Variants in ZNF518A observed in about 807,000 individuals in gnomAD.
The protein encoded by ZNF518A is zinc finger protein 518A, also known as zinc finger protein 518.
A neutral mutation model predicts 102.7 loss-of-function variants in ZNF518A; 47 were observed. That is an observed-to-expected ratio of 0.46 (90% CI 0.36 to 0.58). The LOEUF (loss-of-function observed/expected upper bound fraction) is 0.58, where lower values mean the gene tolerates loss of function less well. Ranked by LOEUF, ZNF518A falls within the 20% of genes least tolerant of loss-of-function variation. ZNF518A has a pLI of 0.00. For synonymous variants in ZNF518A, 652 were observed against 594.6 expected (o/e 1.10, Z -1.40); for missense variants, 1,793 against 1,699.8 (o/e 1.05, Z -0.96).
At chr10:96,187,372 A>C (rs587665922) in intron 1 of ZNF518A, among the ~76,000 whole-genome samples, 1 of 152,338 alleles carries the variant, frequency 6.6e-6, no homozygotes, top group South Asian at 2.1e-4. Flanking sequence ...ATGGTGTCTT[A>C]AGACCATTTT....
At chr10:96,133,514 A>C (rs1157657123) in intron 2 of ZNF518A, 69 bp from the exon 3 acceptor site, 2 of 152,150 alleles carry the variant, frequency 1.3e-5, no homozygotes, top group Non-Finnish European at 2.9e-5. Context: ...AAAATATTGT[A>C]CCCATGTAAA....
chr10:96,184,075 T>C (rs1230095770), intron 1 of ZNF518A, among the ~76,000 whole-genome samples: 1 of 152,160 alleles, frequency 6.6e-6, no homozygotes, highest in African/African-American at 2.4e-5. Flanking sequence ...TAATGGCCTT[T>C]TTTGTCTCTT....
chr10:96,184,908 G>A (rs57902477), intron 1 of ZNF518A, among the ~76,000 whole-genome samples: 184 of 152,250 alleles, frequency 1.2e-3, no homozygotes, highest in African/African-American at 4.3e-3. Flanking sequence ...TTCCAGCTAG[G>A]TTCCATTCTC....
Position 96,157,277 on chromosome 10 carries a change from A to G in ZNF518A, c.955A>G (p.Lys319Glu). Residue 319 changes from lysine (K) to glutamate (E), a missense_variant, in exon 6 of 6, where the codon AAA becomes GAA. Lys to Glu is a moderately conservative substitution (Grantham distance 56). This residue lies in a region of ZNF518A where 1,741 missense variants were observed against 1,622.6 expected (regional missense o/e 1.07). Coordinates refer to ENST00000316045, the MANE Select transcript of ZNF518A (RefSeq NM_001330736.2). ...ACTTAAGCTAATACTGAAAAGATATAAAATAGGTGCATCAAGGAAGACGTT... is the reference window on the plus strand; with the variant it reads ...ACTTAAGCTAATACTGAAAAGATATGAAATAGGTGCATCAAGGAAGACGTT... ...AGLKLILKRYKIGASRKTFWK... is the reference protein window; with the variant it reads ...AGLKLILKRYEIGASRKTFWK... 6.2e-7 allele frequency: 1 copy of G among 1,612,346 alleles called. No homozygotes were observed. The highest frequency in any genetic ancestry group is 8.5e-7 in the Non-Finnish European group (1 of 1,179,196).
intron 1 of ZNF518A, among the ~76,000 whole-genome samples, chr10:96,171,815 A>G (rs587619355): frequency 6.6e-6 from 1 of 152,250 alleles, no homozygotes; most frequent in Non-Finnish European, 1.5e-5. Flanking sequence ...CAGAAGCTCA[A>G]CATACTCCAA....
chr10:96,166,117 G>A (rs2083138581), downstream of ZNF518A, among the ~76,000 whole-genome samples: 1 of 152,170 alleles, frequency 6.6e-6, no homozygotes, highest in African/African-American at 2.4e-5. Flanking sequence ...TATGGCGTTA[G>A]GCGTGGGGGG....
intron 1 of ZNF518A, chr10:96,197,044 C>A: frequency 6.2e-7 from 1 of 1,612,176 alleles, no homozygotes; most frequent in South Asian, 1.1e-5. Flanking sequence ...AGAGCTTTTC[C>A]GAATAAGAAA....
At chr10:96,149,723 T>G (rs1159989248) in intron 3 of ZNF518A, among the ~76,000 whole-genome samples, 3 of 152,206 alleles carry the variant, frequency 2.0e-5, no homozygotes, top group African/African-American at 7.2e-5. Context: ...CTCTTCTGTT[T>G]TCCATTGTGA....
Position 96,158,756 on chromosome 10 carries a change from C to G in ZNF518A, c.2434C>G (p.His812Asp), listed in dbSNP as rs1490419416. ...SNTPNKGLPLHCDQSFQKHER... is the reference protein window; with the variant it reads ...SNTPNKGLPLDCDQSFQKHER... ...CACTCCAAATAAAGGCTTGCCACTT[C>G]ATTGTGACCAGTCATTTCAAAAACA... The change falls in exon 6 of 6, where the codon CAT (histidine) becomes GAT (aspartate). Residue 812 changes from histidine (H) to aspartate (D), a missense_variant. Around this residue, in one of 3 missense-constraint regions of ZNF518A, gnomAD observed 1,741 missense variants for 1,622.6 expected, o/e 1.07. Coordinates refer to ENST00000316045, the MANE Select transcript of ZNF518A (RefSeq NM_001330736.2). The G allele has an allele frequency of 6.2e-7, 1 of 1,613,186 alleles. No individual in the cohort carries two copies. Among genetic ancestry groups the G allele is most frequent in the African/African-American group, 1.3e-5 (1 of 74,904 alleles).
chr10:96,165,889 G>T (rs1554890250), downstream of ZNF518A, among the ~76,000 whole-genome samples: 1 of 152,174 alleles, frequency 6.6e-6, no homozygotes, highest in African/African-American at 2.4e-5. Flanking sequence ...TCCCACACTA[G>T]GCTGTCTGCA....
intron 1 of ZNF518A, among the ~76,000 whole-genome samples, chr10:96,169,383 C>G (rs2083160932): frequency 6.6e-6 from 1 of 152,180 alleles, no homozygotes; most frequent in Non-Finnish European, 1.5e-5. Context: ...GTTTCTCAGA[C>G]TGTATGTCAA....
chr10:96,160,817 G>A lies in ZNF518A; in HGVS notation c.*43G>A. On this transcript the variant is annotated 3_prime_UTR_variant, in exon 6 of 6. Transcript: ENST00000316045. ...GGAAAAGAAAAGTAAAATTACCTTAGAAGAAAACAACGGGTTCAGTTACCA... is the reference window on the plus strand; with the variant it reads ...GGAAAAGAAAAGTAAAATTACCTTAAAAGAAAACAACGGGTTCAGTTACCA... 1 of 1,472,658 alleles carries A rather than the reference G, an allele frequency of 6.8e-7. No individual in the cohort carries two copies. The highest frequency in any genetic ancestry group is 9.0e-7 in the Non-Finnish European group (1 of 1,114,382). 91.2% of individuals were successfully genotyped at this position (1,472,658 alleles called of 1,614,324 possible). A position where few individuals can be genotyped will look rare whatever the true frequency, so the allele number is the denominator to read the frequency against.
chr10:96,168,425 T>C (rs2083155189), downstream of ZNF518A, among the ~76,000 whole-genome samples: 1 of 152,060 alleles, frequency 6.6e-6, no homozygotes, highest in Admixed American at 6.6e-5. Flanking sequence ...TGAATATATT[T>C]ACCTTTCCAG....
In ZNF518A at chr10:96,143,708, A is replaced by G. The variant is rs113469601; in HGVS notation, c.-302+10060A>G. Among the ~76,000 whole-genome samples the G allele has an allele frequency of 1.6e-3, 247 of 152,300 alleles. 3 individuals are homozygous for G. Among genetic ancestry groups the G allele is most frequent in the African/African-American group, 5.6e-3 (233 of 41,578 alleles). ...TAGGAATATATAGGCAGACCTCATAAAGGCTTGTGGTGGTGACATTGCCCT... is the reference window on the plus strand; with the variant it reads ...TAGGAATATATAGGCAGACCTCATAGAGGCTTGTGGTGGTGACATTGCCCT... On this transcript the variant is annotated intron_variant, in intron 3 of 5. Transcript: ENST00000316045.
At chr10:96,204,006 G>T (rs782631227) in exon 3 of ZNF518A, 1 of 1,521,116 alleles carries the variant, frequency 6.6e-7, no homozygotes, top group South Asian at 1.1e-5. Flanking sequence ...CAGACTCTAG[G>T]ATCCAGCCTC....
At position 96,156,707 on chromosome 10, in the gene ZNF518A, C is replaced by T. The variant is rs2082711440; in HGVS notation, c.385C>T (p.Arg129Ter). 6.2e-7 allele frequency: 1 copy of T among 1,613,780 alleles called. No homozygotes were observed. The highest frequency in any genetic ancestry group is 8.5e-7 in the Non-Finnish European group (1 of 1,179,750). ...FSCLKCRDNT[R>*]YSPNDLQKHF... ...CTGTTTAAAATGCCGAGACAACACT[C>T]GATATAGCCCAAATGATTTGCAGAA... The change falls in exon 6 of 6, where the codon CGA becomes TGA. Residue 129 changes from arginine (R) to a stop codon, truncating the protein, a stop_gained. Transcript: ENST00000316045. LOFTEE classifies it high-confidence loss of function.
chr10:96,168,184 C>T (rs1385556501), downstream of ZNF518A, among the ~76,000 whole-genome samples: 1 of 152,202 alleles, frequency 6.6e-6, no homozygotes, highest in African/African-American at 2.4e-5. Context: ...GGGCAATGTG[C>T]TAATTCTGTT....
At chr10:96,168,106 A>G (rs1409295687), downstream of ZNF518A, among the ~76,000 whole-genome samples, 5 of 152,218 alleles carry the variant, frequency 3.3e-5, no homozygotes, top group African/African-American at 9.7e-5. Flanking sequence ...GGGAAGAACA[A>G]GAGTTACGAA....
At chr10:96,150,035 G>C (rs1554879853) in intron 3 of ZNF518A, among the ~76,000 whole-genome samples, 1 of 151,762 alleles carries the variant, frequency 6.6e-6, no homozygotes, top group Non-Finnish European at 1.5e-5. Context: ...GATTAATATT[G>C]GTGTCTGGGC....
Sources: allele counts gnomAD v4.1 joint callset (sites outside exome capture counted in the v4.1 genomes callset), GRCh38; gene constraint gnomAD v4.1.1; regional missense constraint gnomAD v4.1.1; transcripts MANE v1.5; gene names NCBI Gene and HGNC (gene_info 2026-07-23, HGNC 2026-07-21).